The following ADAM18 variants were observed in gnomAD, a reference collection of about 807,000 sequenced individuals.
The protein encoded by ADAM18 is disintegrin and metalloproteinase domain-containing protein 18.
ADAM18 carries 117 observed loss-of-function variants against 94.4 expected under a neutral mutation model. The ratio of observed to expected loss-of-function variants is 1.24; its 90% CI spans 1.07 to 1.45. The LOEUF is 1.45. ADAM18 is among the 40% of genes most tolerant of loss of function. The probability of loss-of-function intolerance (pLI) is 0.00; values close to 1 mark genes in which losing one functional copy is unlikely to be tolerated. For missense variants in ADAM18, 936 were observed against 880.0 expected (o/e 1.06, Z -0.81); for synonymous variants, 327 against 291.6 (o/e 1.12, Z -1.24).
chr8:39,692,468 T>A (rs1821807631), intron 16 of ADAM18, 132 bp from the exon 17 acceptor site: 2 of 437,306 alleles, frequency 4.6e-6, no homozygotes, highest in African/African-American at 4.1e-5. Flanking sequence ...ATCATATTAA[T>A]ATTAGTCATA....
intron 12 of ADAM18, among the ~76,000 whole-genome samples, chr8:39,653,270 C>T (rs1233866616): frequency 6.6e-6 from 1 of 151,894 alleles, no homozygotes; most frequent in Non-Finnish European, 1.5e-5. Flanking sequence ...ATCATTAATA[C>T]ATAACATTTT....
chr8:39,607,879 A>T (rs1819139536), intron 3 of ADAM18, among the ~76,000 whole-genome samples: 1 of 151,020 alleles, frequency 6.6e-6, no homozygotes, highest in South Asian at 2.1e-4. Context: ...TTTAAATACC[A>T]TCCACATGTT....
intron 6 of ADAM18, among the ~76,000 whole-genome samples, chr8:39,623,821 C>A (rs1819688073): frequency 6.6e-6 from 1 of 152,124 alleles, no homozygotes; most frequent in Admixed American, 6.5e-5. Context: ...TGGTGTTGAT[C>A]TCCTGACCTC....
At chr8:39,696,797 TAA>T (rs1821938822) in intron 17 of ADAM18, among the ~76,000 whole-genome samples, 1 of 151,598 alleles carries the variant, frequency 6.6e-6, no homozygotes, top group Non-Finnish European at 1.5e-5. Flanking sequence ...TCAGGAAGTA[TAA>T]GTTATTCAAC....
At chr8:39,661,682 C>A (rs987054366) in intron 12 of ADAM18, among the ~76,000 whole-genome samples, 4 of 151,780 alleles carry the variant, frequency 2.6e-5, no homozygotes, top group African/African-American at 9.7e-5. Context: ...AGGCTTATAG[C>A]TTTACTTTTT....
Position 39,677,479 on chromosome 8 carries a change from A to C in ADAM18, c.1574A>C (p.His525Pro), listed in dbSNP as rs762454680. 89 of 1,611,158 alleles carry C rather than the reference A, an allele frequency of 5.5e-5. No individual in the cohort carries two copies. In the South Asian group the frequency reaches 9.3e-4, roughly 17 times the overall value. The change falls in exon 15 of 20, where the codon CAT (histidine) becomes CCT (proline). Residue 525 changes from histidine (H) to proline (P), a missense_variant. Transcript: ENST00000265707. ...FACFKEVNSL[H>P]ERSENCGFKN... Reference sequence around the variant, plus strand: ...TGTTTTAAAGAAGTTAATTCTCTGCATGAAAGATCTGAAAACTGTGGTTTT... The same window carrying C: ...TGTTTTAAAGAAGTTAATTCTCTGCCTGAAAGATCTGAAAACTGTGGTTTT...
chr8:39,709,514 G>A (rs967575602), intron 18 of ADAM18, among the ~76,000 whole-genome samples: 1 of 152,200 alleles, frequency 6.6e-6, no homozygotes, highest in African/African-American at 2.4e-5. Flanking sequence ...TTGAGGTTCA[G>A]CCTTAGTTGG....
intron 7 of ADAM18, among the ~76,000 whole-genome samples, chr8:39,629,648 CTTTG>C (rs1033307628): frequency 6.6e-5 from 10 of 151,094 alleles, no homozygotes; most frequent in Admixed American, 2.7e-4. Flanking sequence ...CACTCACTCC[CTTTG>C]TTTTCCTCCC....
At chr8:39,589,778 A>G (rs2129457996) in intron 2 of ADAM18, among the ~76,000 whole-genome samples, 1 of 152,184 alleles carries the variant, frequency 6.6e-6, no homozygotes, top group East Asian at 1.9e-4. Flanking sequence ...CTTTTTATTC[A>G]TTTTTCAATA....
chr8:39,622,346 G>T (rs1279772606), intron 6 of ADAM18, among the ~76,000 whole-genome samples: 1 of 149,798 alleles, frequency 6.7e-6, no homozygotes, highest in Non-Finnish European at 1.5e-5. Flanking sequence ...CCTCTAGAAA[G>T]ATTCCATTGA....
chr8:39,713,682 A>G lies in ADAM18; in HGVS notation c.2017+6778A>G, dbSNP rs149055448. On this transcript the variant is annotated intron_variant, in intron 18 of 19. Transcript: ENST00000265707. ...AGCCATTTATGCAGCCAAAAAACAC[A>G]TGAAAAAATGCTCATCATCACTGGC... Among the ~76,000 whole-genome samples, 386 of 152,368 alleles carry G rather than the reference A, an allele frequency of 2.5e-3. 5 individuals are homozygous for G. In the East Asian group the frequency reaches 0.041, roughly 16 times the overall value.
intron 14 of ADAM18, among the ~76,000 whole-genome samples, chr8:39,676,904 A>G (rs967554517): frequency 1.3e-5 from 2 of 152,228 alleles, no homozygotes; most frequent in African/African-American, 4.8e-5. Context: ...TCCCTCCATC[A>G]TAATATAGTA....
chr8:39,705,925 A>G (rs2129581293), intron 17 of ADAM18, among the ~76,000 whole-genome samples: 1 of 152,218 alleles, frequency 6.6e-6, no homozygotes, highest in South Asian at 2.1e-4. Context: ...TTTGGTAAAA[A>G]TCTATTAATG....
chr8:39,710,261 G>A (rs1467012656), intron 18 of ADAM18, among the ~76,000 whole-genome samples: 1 of 152,066 alleles, frequency 6.6e-6, no homozygotes, highest in African/African-American at 2.4e-5. Flanking sequence ...AATTGTATGA[G>A]GTATTTGTCA....
rs371065940 is a variant in ADAM18, at chr8:39,593,688, T to C, written c.132+8336T>C. Among the ~76,000 whole-genome samples, 5 of 152,300 alleles carry C rather than the reference T, an allele frequency of 3.3e-5. No homozygotes were observed. The East Asian group carries it at 9.6e-4, about 29-fold the overall frequency. The stretch of plus-strand genomic sequence containing the variant: ...ATCTTCTGTCAGGTTTTGCTTCTTA[T>C]ATTTTGCAGTTCTGTCTTTTGGGGC... On this transcript the variant is annotated intron_variant, in intron 2 of 19. Coordinates refer to ENST00000265707, the MANE Select transcript of ADAM18 (RefSeq NM_014237.3).
intron 19 of ADAM18, among the ~76,000 whole-genome samples, chr8:39,727,879 T>C (rs1177203570): frequency 1.3e-5 from 2 of 152,096 alleles, no homozygotes; most frequent in Non-Finnish European, 2.9e-5. Flanking sequence ...TGCATTGCTA[T>C]AAAGAAATAT....
intron 17 of ADAM18, among the ~76,000 whole-genome samples, chr8:39,699,373 A>T (rs1822005025): frequency 6.6e-6 from 1 of 152,032 alleles, no homozygotes; most frequent in Non-Finnish European, 1.5e-5. Flanking sequence ...ATTATTTTTT[A>T]TTATTTAATT....
chr8:39,600,346 G>A (rs897388059), intron 2 of ADAM18, among the ~76,000 whole-genome samples: 1 of 152,142 alleles, frequency 6.6e-6, no homozygotes, highest in Admixed American at 6.5e-5. Flanking sequence ...TTGAGAAGTT[G>A]TCTAGATATT....
chr8:39,624,919 G>T (rs922590278), intron 6 of ADAM18, among the ~76,000 whole-genome samples: 11 of 152,322 alleles, frequency 7.2e-5, no homozygotes, highest in African/African-American at 2.6e-4. Flanking sequence ...TGTACAGCCT[G>T]TGGAACCGTA....
Sources: allele counts gnomAD v4.1 joint callset (sites outside exome capture counted in the v4.1 genomes callset), GRCh38; gene constraint gnomAD v4.1.1; transcripts MANE v1.5; gene names NCBI Gene and HGNC (gene_info 2026-07-23, HGNC 2026-07-21).